The following EYS variants were observed in gnomAD, a reference collection of about 807,000 sequenced individuals.
EYS encodes protein eyes shut homolog.
Under a neutral mutation model 282.1 loss-of-function variants are expected in EYS, and 250 were observed. The ratio of observed to expected loss-of-function variants is 0.89; its 90% CI spans 0.80 to 0.98. EYS has a LOEUF of 0.98. Ranked by LOEUF, EYS falls within the 50% of genes least tolerant of loss-of-function variation. EYS has a pLI of 0.00. For missense variants in EYS, 4,016 were observed against 3,709.0 expected, an observed-to-expected ratio of 1.08 and a Z score of -2.15; for synonymous variants, 1,355 against 1,282.9, an observed-to-expected ratio of 1.06 and a Z score of -1.20.
At chr6:64,525,876 C>T (rs185415654) in intron 26 of EYS, among the ~76,000 whole-genome samples, 80 of 151,694 alleles carry the variant, frequency 5.3e-4, no homozygotes, top group East Asian at 4.7e-3. Context: ...GGCATTCAAA[C>T]CCAGAGAAAT....
chr6:64,519,047 C>CA (rs1777650606), intron 26 of EYS, among the ~76,000 whole-genome samples: 2 of 151,712 alleles, frequency 1.3e-5, no homozygotes, highest in Admixed American at 1.3e-4. Flanking sequence ...AACTGAAGCA[C>CA]ATGTACTTTA....
chr6:64,141,824 T>G (rs1774346291), intron 31 of EYS, among the ~76,000 whole-genome samples: 2 of 152,188 alleles, frequency 1.3e-5, no homozygotes, highest in Admixed American at 1.3e-4. Flanking sequence ...TGGTGTTTTA[T>G]GTGTGGAAGT....
intron 29 of EYS, among the ~76,000 whole-genome samples, chr6:64,378,204 T>C (rs1267029265): frequency 6.6e-6 from 1 of 152,164 alleles, no homozygotes; most frequent in African/African-American, 2.4e-5. Context: ...CAAGATTTCA[T>C]GGAAGTATGA....
intron 31 of EYS, among the ~76,000 whole-genome samples, chr6:64,125,088 A>G (rs757182361): frequency 2.0e-5 from 3 of 152,018 alleles, no homozygotes; most frequent in Non-Finnish European, 4.4e-5. Context: ...CACTCTGCAC[A>G]AGCAGGATAG....
intron 22 of EYS, among the ~76,000 whole-genome samples, chr6:64,658,915 C>A (rs1256383975): frequency 4.6e-5 from 7 of 152,204 alleles, no homozygotes; most frequent in African/African-American, 1.2e-4. Context: ...AACTCTCCAC[C>A]CCAAATCAAC....
chr6:64,263,062 C>G (rs1767640138), intron 30 of EYS, among the ~76,000 whole-genome samples: 1 of 94,810 alleles, frequency 1.1e-5, no homozygotes, highest in Non-Finnish European at 2.4e-5. Context: ...CCTCAGTTTT[C>G]TGTGTGTAAG....
intron 5 of EYS, among the ~76,000 whole-genome samples, chr6:65,453,485 A>C (rs187989763): frequency 6.6e-6 from 1 of 152,210 alleles, no homozygotes; most frequent in Admixed American, 6.5e-5. Flanking sequence ...CAGGGTAGTT[A>C]GTGTATCTGT....
At chr6:64,829,296 T>G (rs1306133708) in intron 19 of EYS, among the ~76,000 whole-genome samples, 2 of 151,984 alleles carry the variant, frequency 1.3e-5, no homozygotes, top group African/African-American at 4.8e-5. Context: ...CAGGCATGAA[T>G]AGAGTAGCTA....
At chr6:65,359,673 A>C (rs1764624777) in intron 8 of EYS, among the ~76,000 whole-genome samples, 2 of 152,026 alleles carry the variant, frequency 1.3e-5, no homozygotes, top group Admixed American at 1.3e-4. Flanking sequence ...AACCATACAG[A>C]AAAATGAAAA....
At chr6:64,656,532 T>C in intron 22 of EYS, among the ~76,000 whole-genome samples, 1 of 152,074 alleles carries the variant, frequency 6.6e-6, no homozygotes, top group Non-Finnish European at 1.5e-5. Context: ...ACACCTAAAG[T>C]TGAGTAAGTT....
At chr6:64,124,488 T>C (rs888606440) in intron 31 of EYS, among the ~76,000 whole-genome samples, 15 of 152,230 alleles carry the variant, frequency 9.9e-5, no homozygotes, top group African/African-American at 3.6e-4. Context: ...AAATATTTGT[T>C]GACTGAGTGA....
chr6:65,663,861 C>CTTT (rs1393753538), intron 1 of EYS, among the ~76,000 whole-genome samples: 1 of 90,866 alleles, frequency 1.1e-5, no homozygotes, highest in Non-Finnish European at 2.4e-5. Context: ...TTTGTTTTTT[C>CTTT]TTTTCTTTTT....
intron 26 of EYS, among the ~76,000 whole-genome samples, chr6:64,460,840 T>C (rs1028031078): frequency 3.9e-5 from 6 of 152,216 alleles, no homozygotes; most frequent in African/African-American, 1.4e-4. Context: ...TTTTCAACTC[T>C]TCATCTGATT....
chr6:65,009,230 C>A (rs1194130157), intron 13 of EYS, among the ~76,000 whole-genome samples: 1 of 152,090 alleles, frequency 6.6e-6, no homozygotes, highest in Non-Finnish European at 1.5e-5. Context: ...CCCCCTTAGA[C>A]CTGAGGCCCA....
In EYS at chr6:64,206,601, C is replaced by T. The variant is rs560585598; in HGVS notation, c.6424+23991G>A. Among the ~76,000 whole-genome samples the T allele has an allele frequency of 6.5e-4, 99 of 152,148 alleles. 5 individuals are homozygous for T. In the South Asian group the frequency reaches 0.02, roughly 30 times the overall value. On this transcript the variant is annotated intron_variant, in intron 31 of 42. Transcript: ENST00000503581. ...GTGAAAATCATAAAGATTACAACAT[C>T]GAAAGATGGGACCTGGATTGATCAT...
intron 2 of EYS, among the ~76,000 whole-genome samples, chr6:65,569,311 C>G (rs1004310910): frequency 6.6e-6 from 1 of 152,034 alleles, no homozygotes; most frequent in African/African-American, 2.4e-5. Flanking sequence ...TTTCCCTTCA[C>G]TGACTCTTTT....
At chr6:65,592,445 C>T (rs1397379794) in intron 2 of EYS, among the ~76,000 whole-genome samples, 2 of 151,810 alleles carry the variant, frequency 1.3e-5, no homozygotes, top group Non-Finnish European at 2.9e-5. Flanking sequence ...TGTTTTATTG[C>T]ATTTTATTTA....
chr6:65,474,917 G>A (rs748706438), intron 5 of EYS, among the ~76,000 whole-genome samples: 35 of 152,074 alleles, frequency 2.3e-4, no homozygotes, highest in African/African-American at 7.0e-4. Flanking sequence ...TGAGAGCTCC[G>A]GAGAATGTAA....
intron 18 of EYS, among the ~76,000 whole-genome samples, chr6:64,900,200 C>A (rs1292236191): frequency 6.6e-6 from 1 of 151,988 alleles, no homozygotes; most frequent in African/African-American, 2.4e-5. Flanking sequence ...GAAAATGGAC[C>A]CCTTCCTTAC....
Sources: allele counts gnomAD v4.1 joint callset (sites outside exome capture counted in the v4.1 genomes callset), GRCh38; gene constraint gnomAD v4.1.1; transcripts MANE v1.5; gene names NCBI Gene and HGNC (gene_info 2026-07-23, HGNC 2026-07-21).